Variants in LRRC4C observed in about 807,000 individuals in gnomAD.
The protein encoded by LRRC4C is leucine rich repeat containing 4C, also known as leucine-rich repeat-containing protein 4C.
A neutral mutation model predicts 33.6 loss-of-function variants in LRRC4C; 5 were observed. That is an observed-to-expected ratio of 0.15 (90% CI 0.08 to 0.31). The LOEUF (loss-of-function observed/expected upper bound fraction) is 0.31, where lower values mean the gene tolerates loss of function less well. LRRC4C is among the 10% of genes least tolerant of loss of function. The pLI is 1.00. For synonymous variants in LRRC4C, 329 were observed against 302.0 expected (o/e 1.09, Z -0.93); for missense variants, 560 against 796.7 (o/e 0.70, Z 3.58).
intron 1 of LRRC4C, among the ~76,000 whole-genome samples, chr11:41,177,491 T>C (rs561717687): frequency 3.3e-5 from 5 of 152,138 alleles, no homozygotes; most frequent in Non-Finnish European, 5.9e-5. Context: ...GGTATAACAA[T>C]ATAATGGAAT....
intron 5 of LRRC4C, among the ~76,000 whole-genome samples, chr11:40,190,547 G>A (rs572607293): frequency 2.6e-4 from 40 of 152,172 alleles, no homozygotes; most frequent in Non-Finnish European, 5.0e-4. Flanking sequence ...GGACACAGAT[G>A]CATTTAATTA....
intron 3 of LRRC4C, among the ~76,000 whole-genome samples, chr11:40,586,301 A>C (rs528624739): frequency 6.6e-6 from 1 of 150,534 alleles, no homozygotes; most frequent in Non-Finnish European, 1.5e-5. Context: ...CATGTCCTTC[A>C]CCCACTTTTT....
rs1477460876 is a variant in LRRC4C at position 40,813,740 on chromosome 11, C to A, written c.-407+119895G>T. On this transcript the variant is annotated intron_variant, in intron 2 of 6. Coordinates refer to ENST00000528697, the MANE Select transcript of LRRC4C (RefSeq NM_001258419.2). Reference sequence around the variant, plus strand: ...TACTTACTAGATACAATGAGGGTATCAGCATTGGATAAATGCACCCATTCC... The same window carrying A: ...TACTTACTAGATACAATGAGGGTATAAGCATTGGATAAATGCACCCATTCC... Among the ~76,000 whole-genome samples, 3 of 152,244 alleles carry A rather than the reference C, an allele frequency of 2.0e-5. No homozygotes were observed. In the East Asian group the frequency reaches 5.8e-4, roughly 29 times the overall value.
At chr11:40,890,016 T>G (rs2136099992) in intron 2 of LRRC4C, among the ~76,000 whole-genome samples, 1 of 152,286 alleles carries the variant, frequency 6.6e-6, no homozygotes, top group East Asian at 1.9e-4. Context: ...ATTCTTATTC[T>G]ACAGACCAGA....
chr11:41,439,810 G>C (rs1238440506), intron 1 of LRRC4C, among the ~76,000 whole-genome samples: 1 of 152,132 alleles, frequency 6.6e-6, no homozygotes, highest in African/African-American at 2.4e-5. Flanking sequence ...GAAAGGAATA[G>C]GGTTTTGATG....
intron 1 of LRRC4C, among the ~76,000 whole-genome samples, chr11:41,292,772 A>G (rs990633779): frequency 6.6e-6 from 1 of 152,146 alleles, no homozygotes; most frequent in African/African-American, 2.4e-5. Context: ...TTCAGAAATA[A>G]CTTCTTCACA....
At chr11:41,351,677 G>A (rs944261714) in intron 1 of LRRC4C, among the ~76,000 whole-genome samples, 1 of 152,100 alleles carries the variant, frequency 6.6e-6, no homozygotes, top group African/African-American at 2.4e-5. Context: ...AAAAGAGATT[G>A]GGGGCCTATA....
At position 40,437,522 on chromosome 11, in the gene LRRC4C, TAGC is replaced by T. The variant is rs1951193981; in HGVS notation, c.-269-117804_-269-117802del. Among the ~76,000 whole-genome samples, 3 of 151,848 alleles carry T rather than the reference TAGC, an allele frequency of 2.0e-5. No individual in the cohort carries two copies. The South Asian group carries it at 6.3e-4, about 32-fold the overall frequency. ...GATTTTCCTGCCTCAGCCTCCTGGG[TAGC>T]TGGGATTACAGGTGCATGCCACCAC... On this transcript the variant is annotated intron_variant, in intron 3 of 6. Coordinates refer to ENST00000528697, the MANE Select transcript of LRRC4C (RefSeq NM_001258419.2).
At chr11:40,467,202 A>G (rs1338368680) in intron 3 of LRRC4C, among the ~76,000 whole-genome samples, 1 of 152,158 alleles carries the variant, frequency 6.6e-6, no homozygotes, top group African/African-American at 2.4e-5. Context: ...TACTTGTATA[A>G]GATGTGCAAA....
chr11:40,933,122 T>C (rs1957704995), intron 2 of LRRC4C, among the ~76,000 whole-genome samples: 1 of 152,178 alleles, frequency 6.6e-6, no homozygotes, highest in South Asian at 2.1e-4. Context: ...ACCAGGTTGA[T>C]AGAGAAAGAT....
At chr11:41,376,138 G>GA (rs78109145) in intron 1 of LRRC4C, among the ~76,000 whole-genome samples, 7 of 148,712 alleles carry the variant, frequency 4.7e-5, no homozygotes, top group South Asian at 2.1e-4. Flanking sequence ...TGTAGAGAAA[G>GA]AAAAAAAAAA....
chr11:41,144,285 T>C (rs1292867402), intron 1 of LRRC4C, among the ~76,000 whole-genome samples: 2 of 152,060 alleles, frequency 1.3e-5, no homozygotes, highest in African/African-American at 2.4e-5. Flanking sequence ...AAGCAGTGAG[T>C]GACCATTGAA....
At chr11:40,485,569 G>A (rs940890171) in intron 3 of LRRC4C, among the ~76,000 whole-genome samples, 1 of 151,820 alleles carries the variant, frequency 6.6e-6, no homozygotes, top group Admixed American at 6.6e-5. Flanking sequence ...TAGTTACAGG[G>A]TACCAAAGAA....
intron 3 of LRRC4C, among the ~76,000 whole-genome samples, chr11:40,403,515 A>G (rs925910003): frequency 6.6e-5 from 10 of 152,154 alleles, no homozygotes; most frequent in African/African-American, 2.4e-4. Flanking sequence ...TAATGCTGAC[A>G]CACTAATTTC....
chr11:40,824,448 C>A (rs892644040), intron 2 of LRRC4C, among the ~76,000 whole-genome samples: 6 of 151,326 alleles, frequency 4.0e-5, no homozygotes, highest in African/African-American at 1.5e-4. Flanking sequence ...GAGTTTCATC[C>A]ATATGTAAAA....
rs111743107 is a variant in LRRC4C, at chr11:40,774,838, G to A, written c.-406-126560C>T. ...GGGCTATTTGGCATTATGTATCTAC[G>A]GCTTTAATAGAGTCCATATTCTTCT... is the stretch of plus-strand genomic sequence containing the variant. On this transcript the variant is annotated intron_variant, in intron 2 of 6. Coordinates refer to ENST00000528697, the MANE Select transcript of LRRC4C (RefSeq NM_001258419.2). Among the ~76,000 whole-genome samples, 294 of 152,108 alleles carry A rather than the reference G, an allele frequency of 1.9e-3. 1 individual carries two copies. Among genetic ancestry groups the A allele is most frequent in the African/African-American group, 6.9e-3 (286 of 41,518 alleles).
At chr11:41,186,824 G>A (rs1026544334) in intron 1 of LRRC4C, among the ~76,000 whole-genome samples, 1 of 152,176 alleles carries the variant, frequency 6.6e-6, no homozygotes, top group Non-Finnish European at 1.5e-5. Flanking sequence ...CGTTTAGGTA[G>A]TCACGTGTGC....
intron 2 of LRRC4C, among the ~76,000 whole-genome samples, chr11:40,930,073 G>A (rs1007929290): frequency 1.3e-5 from 2 of 152,138 alleles, no homozygotes; most frequent in African/African-American, 4.8e-5. Flanking sequence ...GGCTTAGGGA[G>A]CCATAAATGA....
chr11:40,778,998 G>C (rs1950116564), intron 2 of LRRC4C, among the ~76,000 whole-genome samples: 1 of 152,072 alleles, frequency 6.6e-6, no homozygotes, highest in Non-Finnish European at 1.5e-5. Context: ...TTAAAATATT[G>C]TTCTCTCTAC....
Sources: allele counts gnomAD v4.1 joint callset (sites outside exome capture counted in the v4.1 genomes callset), GRCh38; gene constraint gnomAD v4.1.1; transcripts MANE v1.5; gene names NCBI Gene and HGNC (gene_info 2026-07-23, HGNC 2026-07-21).